Variants in FGGY observed in about 807,000 individuals in gnomAD.
FGGY encodes FGGY carbohydrate kinase domain containing.
Under a neutral mutation model 71.3 loss-of-function variants are expected in FGGY, and 72 were observed. That is an observed-to-expected ratio of 1.01 (90% CI 0.84 to 1.23). FGGY has a LOEUF of 1.23. Ranked by LOEUF, FGGY falls within the 50% of genes most tolerant of loss-of-function variation. FGGY has a pLI of 0.00. For synonymous variants in FGGY, 251 were observed against 250.3 expected (o/e 1.00, Z -0.02); for missense variants, 668 against 682.3 (o/e 0.98, Z 0.23).
In FGGY at chr1:59,480,189, C is replaced by T. The variant is rs139314403; in HGVS notation, c.670+23113C>T. 1.6e-3 allele frequency among the ~76,000 whole-genome samples: 249 copies of T among 152,284 alleles called. 1 individual carries two copies. The highest frequency in any genetic ancestry group is 5.8e-3 in the African/African-American group (241 of 41,554). ...TGAAAATCTAATCTAATCCTGTGAC[C>T]TCCCAGCATAAACCTTCTCAAGTCT... On this transcript the variant is annotated intron_variant, in intron 6 of 15. Coordinates refer to ENST00000303721, the MANE Select transcript of FGGY (RefSeq NM_018291.5).
intron 5 of FGGY, among the ~76,000 whole-genome samples, chr1:59,403,931 C>T (rs776430120): frequency 6.6e-6 from 1 of 152,116 alleles, no homozygotes; most frequent in African/African-American, 2.4e-5. Flanking sequence ...GTTGTGAGAA[C>T]CTGAATAACA....
chr1:59,382,580 G>A (rs758747843), intron 5 of FGGY, among the ~76,000 whole-genome samples: 42 of 152,122 alleles, frequency 2.8e-4, no homozygotes, highest in Non-Finnish European at 5.0e-4. Flanking sequence ...ATCATCTTGG[G>A]CATTCCTCTT....
intron 7 of FGGY, among the ~76,000 whole-genome samples, chr1:59,519,707 G>A (rs968293558): frequency 4.6e-5 from 7 of 152,164 alleles, no homozygotes; most frequent in African/African-American, 1.7e-4. Context: ...TATGTGCCAA[G>A]TACTCTACCT....
chr1:59,381,653 GTGTGTGTGTGT>G (rs2059469351), intron 5 of FGGY, among the ~76,000 whole-genome samples: 1 of 151,116 alleles, frequency 6.6e-6, no homozygotes, highest in African/African-American at 2.5e-5. Flanking sequence ...GTGTGTGTGT[GTGTGTGTGTGT>G]GTGTGTATAT....
chr1:59,342,060 A>C (rs2050820304), intron 3 of FGGY, among the ~76,000 whole-genome samples: 1 of 152,144 alleles, frequency 6.6e-6, no homozygotes, highest in Admixed American at 6.5e-5. Context: ...AACTTTAGAT[A>C]CTAAGAGTCC....
intron 5 of FGGY, among the ~76,000 whole-genome samples, chr1:59,386,346 T>C (rs1427617730): frequency 5.9e-5 from 9 of 152,204 alleles, no homozygotes; most frequent in African/African-American, 2.2e-4. Context: ...TGTCCCTCCA[T>C]TGAAATTTGT....
intron 8 of FGGY, among the ~76,000 whole-genome samples, chr1:59,589,925 A>C (rs567580716): frequency 6.6e-6 from 1 of 152,170 alleles, no homozygotes; most frequent in African/African-American, 2.4e-5. Flanking sequence ...GAAGGCAAGA[A>C]ATAACTAAAA....
At chr1:59,660,155 A>G in intron 11 of FGGY, 64 bp from the exon 12 acceptor site, 2 of 1,401,568 alleles carry the variant, frequency 1.4e-6, no homozygotes, top group Non-Finnish European at 2.0e-6. Flanking sequence ...TTTCATGGGA[A>G]CTATCTTTAT....
intron 14 of FGGY, among the ~76,000 whole-genome samples, chr1:59,693,188 C>G (rs140350496): frequency 1.3e-5 from 2 of 152,200 alleles, no homozygotes; most frequent in African/African-American, 2.4e-5. Context: ...AATATTAACA[C>G]CAAGAGACAG....
At position 59,599,250 on chromosome 1, in the gene FGGY, C is replaced by T. The variant is rs182928234; in HGVS notation, c.904-8553C>T. On this transcript the variant is annotated intron_variant, in intron 8 of 15. Coordinates refer to ENST00000303721, the MANE Select transcript of FGGY (RefSeq NM_018291.5). ...TCCCAAGTAGTTGGTACTACAGGCA[C>T]GTGCCACCACACCTAGCTAATTTTT... Among the ~76,000 whole-genome samples, 10 of 152,166 alleles carry T rather than the reference C, an allele frequency of 6.6e-5. No homozygotes were observed. The East Asian group carries it at 1.8e-3, about 27-fold the overall frequency.
chr1:59,374,973 A>G (rs572084260), intron 4 of FGGY, among the ~76,000 whole-genome samples: 74 of 150,846 alleles, frequency 4.9e-4, no homozygotes, highest in African/African-American at 1.8e-3. Flanking sequence ...CTAGATGACG[A>G]GTTAGTGGGT....
intron 4 of FGGY, among the ~76,000 whole-genome samples, chr1:59,367,048 C>T (rs992679740): frequency 1.3e-5 from 2 of 152,150 alleles, no homozygotes; most frequent in African/African-American, 4.8e-5. Flanking sequence ...TCCTGAGAGC[C>T]AGACTACAGA....
intron 14 of FGGY, among the ~76,000 whole-genome samples, chr1:59,675,502 G>A (rs1243291079): frequency 6.6e-6 from 1 of 152,206 alleles, no homozygotes; most frequent in Non-Finnish European, 1.5e-5. Context: ...TAATGACTGT[G>A]AAATCTCCCT....
chr1:59,435,745 CGTGTGTGT>C (rs10563712), intron 5 of FGGY, among the ~76,000 whole-genome samples: 20,132 of 142,248 alleles, frequency 0.14, 1,468 homozygotes, highest in African/African-American at 0.18. Context: ...TGTGTGCCTG[CGTGTGTGT>C]GTGTGTGTGT....
At chr1:59,621,787 C>T (rs1029032667) in intron 9 of FGGY, among the ~76,000 whole-genome samples, 1 of 151,708 alleles carries the variant, frequency 6.6e-6, no homozygotes, top group Non-Finnish European at 1.5e-5. Context: ...TACGGTATGG[C>T]GTGGTCTTCT....
chr1:59,469,623 A>G (rs1457338522), intron 6 of FGGY, among the ~76,000 whole-genome samples: 1 of 152,140 alleles, frequency 6.6e-6, no homozygotes, highest in Non-Finnish European at 1.5e-5. Context: ...GTTCAAGGGT[A>G]GAAGTGCAGT....
chr1:59,540,742 A>G (rs912152166), intron 7 of FGGY, among the ~76,000 whole-genome samples: 15 of 152,246 alleles, frequency 9.9e-5, no homozygotes, highest in African/African-American at 3.6e-4. Flanking sequence ...GAATGCAGAC[A>G]TGAGTATGAA....
At chr1:59,673,056 C>T (rs1002935253) in intron 13 of FGGY, among the ~76,000 whole-genome samples, 1 of 152,168 alleles carries the variant, frequency 6.6e-6, no homozygotes, top group African/African-American at 2.4e-5. Flanking sequence ...ATCATTCAGT[C>T]ACTTACCATG....
intron 13 of FGGY, among the ~76,000 whole-genome samples, chr1:59,670,291 G>A (rs954906947): frequency 3.9e-5 from 6 of 152,226 alleles, no homozygotes; most frequent in Admixed American, 2.0e-4. Context: ...TAAAAGGCAC[G>A]TACACAAGCA....
Sources: allele counts gnomAD v4.1 joint callset (sites outside exome capture counted in the v4.1 genomes callset), GRCh38; gene constraint gnomAD v4.1.1; transcripts MANE v1.5; gene names NCBI Gene and HGNC (gene_info 2026-07-23, HGNC 2026-07-21).